UCHL3: variants seen among roughly 807,000 people sequenced by gnomAD.
The protein encoded by UCHL3 is ubiquitin C-terminal hydrolase L3.
In UCHL3, 22 loss-of-function variants were observed where a neutral mutation model predicts 35.8. That is an observed-to-expected ratio of 0.61 (90% CI 0.44 to 0.88). UCHL3 has a LOEUF of 0.88. Ranked by LOEUF, UCHL3 falls within the 40% of genes least tolerant of loss-of-function variation. The pLI, the probability that UCHL3 is intolerant of heterozygous loss-of-function variation, is 0.00. For missense variants in UCHL3, 229 were observed against 276.9 expected, an observed-to-expected ratio of 0.83 and a Z score of 1.23; for synonymous variants, 90 against 92.8, an observed-to-expected ratio of 0.97 and a Z score of 0.17.
intron 7 of UCHL3, among the ~76,000 whole-genome samples, chr13:75,596,873 A>G (rs1379617912): frequency 6.6e-6 from 1 of 152,220 alleles, no homozygotes. Flanking sequence ...GGATTTTAAA[A>G]TTGGTTTGAA....
intron 6 of UCHL3, among the ~76,000 whole-genome samples, chr13:75,583,194 C>T (rs906530340): frequency 6.6e-6 from 1 of 152,086 alleles, no homozygotes; most frequent in Non-Finnish European, 1.5e-5. Context: ...GCTTTGCCTG[C>T]CCCCAGGCCT....
chr13:75,593,104 G>A (rs556126759), intron 6 of UCHL3, among the ~76,000 whole-genome samples: 1 of 152,002 alleles, frequency 6.6e-6, no homozygotes, highest in Admixed American at 6.6e-5. Context: ...TGGTGTTAAG[G>A]TAACTAATAA....
chr13:75,589,998 T>C (rs2032435131), intron 6 of UCHL3: 1 of 1,304,756 alleles, frequency 7.7e-7, no homozygotes, highest in South Asian at 1.2e-5. Flanking sequence ...GGCCTCATCA[T>C]TGTGTCACCA....
intron 2 of UCHL3, among the ~76,000 whole-genome samples, chr13:75,556,764 C>T (rs1211606325): frequency 6.6e-6 from 1 of 151,952 alleles, no homozygotes; most frequent in Non-Finnish European, 1.5e-5. Flanking sequence ...TCATTGTGGC[C>T]AAGTTAGAGA....
intron 6 of UCHL3, among the ~76,000 whole-genome samples, chr13:75,577,967 C>G (rs965101208): frequency 2.0e-5 from 3 of 152,022 alleles, no homozygotes; most frequent in Non-Finnish European, 4.4e-5. Context: ...CCAGAACCCC[C>G]CCATGTAAAT....
chr13:75,605,980 G>T lies in UCHL3; in HGVS notation c.*168G>T. ...ATGTTATTTTTGCTCCAGGTTAAAG[G>T]TGCAATGCTTTCCTCCTCTTTTCTT... On this transcript the variant is annotated 3_prime_UTR_variant, in exon 9 of 9. Transcript: ENST00000377595. The T allele has an allele frequency of 1.7e-6, 1 of 581,366 alleles. No homozygotes were observed. Among genetic ancestry groups the T allele is most frequent in the South Asian group, 2.6e-5 (1 of 38,646 alleles). The allele number at this position is 581,366 out of a possible 1,614,324, so 36.0% of individuals were successfully genotyped here.
At chr13:75,589,442 T>G (rs1052248108) in intron 6 of UCHL3, among the ~76,000 whole-genome samples, 2 of 152,326 alleles carry the variant, frequency 1.3e-5, no homozygotes, top group Non-Finnish European at 2.9e-5. Context: ...ATCGTCAGCT[T>G]TGGAGGAATT....
Position 75,587,017 on chromosome 13 carries a change from C to CAAA in UCHL3, c.475-7882_475-7880dup, listed in dbSNP as rs3036429. Among the ~76,000 whole-genome samples the CAAA allele has an allele frequency of 5.0e-3, 498 of 98,858 alleles. 7 individuals carry two copies. The highest frequency in any genetic ancestry group is 9.1e-3 in the East Asian group (30 of 3,306). 64.9% of individuals were successfully genotyped at this position (98,858 alleles called of 152,430 possible). On this transcript the variant is annotated intron_variant, in intron 6 of 8. Coordinates refer to ENST00000377595, the MANE Select transcript of UCHL3 (RefSeq NM_006002.5). ...GATCTAAGTTTTTACCTTAAGGTAG[C>CAAA]AAAAAAAAAAAAAAAAAAGAGCAAA...
chr13:75,563,920 C>CTG (rs58677064), intron 3 of UCHL3, among the ~76,000 whole-genome samples: 7,149 of 149,414 alleles, frequency 0.048, 503 homozygotes, highest in African/African-American at 0.16. Context: ...AATAATATTT[C>CTG]TGTGTGTGTG....
intron 3 of UCHL3, 140 bp from the exon 4 acceptor site, chr13:75,566,555 A>T: frequency 1.8e-6 from 1 of 563,906 alleles, no homozygotes; most frequent in East Asian, 3.4e-5. Context: ...TCAGTCTGGT[A>T]GGTGATAAAT....
intron 2 of UCHL3, among the ~76,000 whole-genome samples, chr13:75,558,253 A>G (rs2031358058): frequency 1.3e-5 from 2 of 152,210 alleles, no homozygotes; most frequent in Non-Finnish European, 2.9e-5. Context: ...CTATTGGATC[A>G]TTCATTATGT....
At chr13:75,593,123 A>C (rs1593761282) in intron 6 of UCHL3, among the ~76,000 whole-genome samples, 1 of 152,190 alleles carries the variant, frequency 6.6e-6, no homozygotes, top group Non-Finnish European at 1.5e-5. Context: ...AATTTATGAA[A>C]GCATAAAGTT....
chr13:75,598,193 C>T (rs2032692756), intron 7 of UCHL3, among the ~76,000 whole-genome samples: 1 of 152,168 alleles, frequency 6.6e-6, no homozygotes, highest in Non-Finnish European at 1.5e-5. Context: ...AAATAGTATA[C>T]AGAGCTCCCA....
intron 2 of UCHL3, among the ~76,000 whole-genome samples, chr13:75,558,284 G>A (rs1434549194): frequency 6.6e-6 from 1 of 152,088 alleles, no homozygotes. Flanking sequence ...ATACTAATTG[G>A]TATCACTACA....
chr13:75,577,566 C>T (rs2032062803), intron 6 of UCHL3, among the ~76,000 whole-genome samples: 1 of 152,164 alleles, frequency 6.6e-6, no homozygotes, highest in South Asian at 2.1e-4. Flanking sequence ...CAACTGAGAC[C>T]TTTCTGAATA....
chr13:75,579,700 A>G (rs567802972), intron 6 of UCHL3, among the ~76,000 whole-genome samples: 1 of 152,262 alleles, frequency 6.6e-6, no homozygotes, highest in African/African-American at 2.4e-5. Flanking sequence ...TCCAGATCTG[A>G]CTAGATGAAA....
intron 6 of UCHL3, among the ~76,000 whole-genome samples, chr13:75,584,172 A>G (rs914108068): frequency 6.6e-6 from 1 of 152,176 alleles, no homozygotes; most frequent in East Asian, 1.9e-4. Context: ...GACCCCTGAG[A>G]AAGTCTTGTC....
At chr13:75,579,010 T>C (rs2032105305) in intron 6 of UCHL3, among the ~76,000 whole-genome samples, 1 of 152,118 alleles carries the variant, frequency 6.6e-6, no homozygotes, top group Admixed American at 6.6e-5. Flanking sequence ...GTTGCATGGC[T>C]TCATTTTACT....
At chr13:75,603,184 C>T (rs906210704) in intron 7 of UCHL3, among the ~76,000 whole-genome samples, 2 of 152,050 alleles carry the variant, frequency 1.3e-5, no homozygotes, top group Non-Finnish European at 2.9e-5. Context: ...AAGGTGGGGT[C>T]TCACTGTATT....
Sources: gnomAD v4.1 joint callset for allele counts (sites outside exome capture counted in the v4.1 genomes callset) on GRCh38, gnomAD v4.1.1 for gene constraint, MANE v1.5 for transcripts, NCBI Gene and HGNC (gene_info 2026-07-23, HGNC 2026-07-21) for gene names.